MRPL21: variants seen among roughly 807,000 people sequenced by gnomAD.
MRPL21 encodes mitochondrial ribosomal protein L21.
In MRPL21, 20 loss-of-function variants were observed where a neutral mutation model predicts 27.3. That is an observed-to-expected ratio of 0.73 (90% CI 0.52 to 1.06). The LOEUF (loss-of-function observed/expected upper bound fraction) is 1.06, where lower values mean the gene tolerates loss of function less well. MRPL21 is among the 50% of genes least tolerant of loss of function. MRPL21 has a pLI of 0.00. For missense variants in MRPL21, 249 were observed against 251.4 expected (o/e 0.99, Z 0.06); for synonymous variants, 98 against 101.5 (o/e 0.97, Z 0.21).
chr11:68,900,318 G>A (rs1183822886), intron 2 of MRPL21, among the ~76,000 whole-genome samples: 5 of 152,224 alleles, frequency 3.3e-5, no homozygotes, highest in Non-Finnish European at 7.3e-5. Flanking sequence ...AAAGCTGAAA[G>A]TGGTGGTGCA....
At chr11:68,892,843 C>T (rs1214916657) in intron 6 of MRPL21, 47 bp downstream of exon 6, 1 of 1,591,212 alleles carries the variant, frequency 6.3e-7, no homozygotes, top group Non-Finnish European at 8.6e-7. Context: ...TGCGCCTGGG[C>T]AACCAGCACC....
chr11:68,902,271 G>A (rs1265403198), intron 1 of MRPL21, among the ~76,000 whole-genome samples: 3 of 152,146 alleles, frequency 2.0e-5, no homozygotes, highest in African/African-American at 7.2e-5. Flanking sequence ...CATGTAGGTA[G>A]GTAGAATGGA....
Position 68,900,477 on chromosome 11 carries a change from G to A in MRPL21, c.146+71C>T, listed in dbSNP as rs150238277. 1.7e-5 allele frequency: 23 copies of A among 1,375,532 alleles called. No homozygotes were observed. In the African/African-American group the frequency reaches 2.5e-4, roughly 15 times the overall value. 85.2% of individuals were successfully genotyped at this position (1,375,532 alleles called of 1,614,324 possible). Reference sequence around the variant, plus strand: ...ATTATTGAGAACCAAAAGGTAGGAAGTTTTGACTTTAGAAAGATGGTTCTA... The same window carrying A: ...ATTATTGAGAACCAAAAGGTAGGAAATTTTGACTTTAGAAAGATGGTTCTA... On this transcript the variant is annotated intron_variant, in intron 2 of 6. Transcript: ENST00000362034.
At chr11:68,900,924 AT>A (rs1313149164) in intron 1 of MRPL21, among the ~76,000 whole-genome samples, 3 of 152,224 alleles carry the variant, frequency 2.0e-5, no homozygotes, top group Non-Finnish European at 4.4e-5. Flanking sequence ...AGCCTCCAAG[AT>A]GGCCCTGCTG....
intron 4 of MRPL21, 21 bp from the exon 5 acceptor site, chr11:68,893,476 G>A: frequency 3.1e-6 from 5 of 1,614,190 alleles, no homozygotes; most frequent in Non-Finnish European, 4.2e-6. Context: ...CAACAGGTGT[G>A]TTTCATCAGT....
chr11:68,894,529 G>A (rs1017007132), intron 4 of MRPL21, among the ~76,000 whole-genome samples: 1 of 152,104 alleles, frequency 6.6e-6, no homozygotes, highest in African/African-American at 2.4e-5. Context: ...TGATCTGCCC[G>A]CCTCGGCTTC....
chr11:68,894,341 C>T (rs546325250), intron 4 of MRPL21, among the ~76,000 whole-genome samples: 2 of 152,270 alleles, frequency 1.3e-5, no homozygotes, highest in South Asian at 4.2e-4. Context: ...AGTGCAGTGG[C>T]GTGATCTTGG....
rs777206792 is a variant in MRPL21 at position 68,897,943 on chromosome 11, C to A, written c.216G>T (p.Glu72Asp). 1.2e-6 allele frequency: 2 copies of A among 1,614,024 alleles called. No homozygotes were observed. Among genetic ancestry groups the A allele is most frequent in the East Asian group, 4.5e-5 (2 of 44,882 alleles). Residue 72 changes from glutamate to aspartate, a missense_variant, in exon 3 of 7, where the codon GAG becomes GAT. Transcript: ENST00000362034. ...AGGTCTTACCTGCATGGTGTCTGGT[C>A]TCCTCAACTGGGTCTGGCAGAACAA... is the stretch of plus-strand genomic sequence containing the variant. ...PEVVLPDPVEETRHHAEVVKK... is the reference protein window; with the variant it reads ...PEVVLPDPVEDTRHHAEVVKK...
chr11:68,895,972 C>G (rs1857776545), intron 4 of MRPL21, among the ~76,000 whole-genome samples: 1 of 152,162 alleles, frequency 6.6e-6, no homozygotes, highest in South Asian at 2.1e-4. Context: ...GCCACCATGC[C>G]TGGCCTAGAC....
At position 68,896,542 on chromosome 11, in the gene MRPL21, C is replaced by T. The variant is rs775164150; in HGVS notation, c.369G>A (p.Ala123=). Reference sequence around the variant, plus strand: ...TCTCCAGTCGAATTCTCTCTCCACACGCAAGGTCTAGTTCATTTCCAATTA... The same window carrying T: ...TCTCCAGTCGAATTCTCTCTCCACATGCAAGGTCTAGTTCATTTCCAATTA... ...LILIGNELDL[A]CGERIRLEKV... is the part of the protein sequence containing the mutation. Residue 123 remains alanine (A), a synonymous_variant, in exon 4 of 7, where the codon GCG becomes GCA. Transcript: ENST00000362034. 25 of 1,614,138 alleles carry T rather than the reference C, an allele frequency of 1.5e-5. No individual in the cohort carries two copies. The highest frequency in any genetic ancestry group is 3.3e-4 in the Middle Eastern group (2 of 6,084).
rs374352636 is a variant in MRPL21, at chr11:68,891,294, G to A, written c.*37C>T. 492 of 1,601,308 alleles carry A rather than the reference G, an allele frequency of 3.1e-4. 1 individual carries two copies. The South Asian group carries it at 5.1e-3, about 17-fold the overall frequency. ...AACCTGGTCTCCTTGGGAAGCAGGA[G>A]TTTATTTTTATCCTTTTGTAAGTAT... On this transcript the variant is annotated 3_prime_UTR_variant, in exon 7 of 7. Coordinates refer to ENST00000362034, the MANE Select transcript of MRPL21 (RefSeq NM_181514.2).
chr11:68,894,699 C>T (rs602364), intron 4 of MRPL21, among the ~76,000 whole-genome samples: 39,964 of 152,106 alleles, frequency 0.26, 5,751 homozygotes, highest in South Asian at 0.48. Flanking sequence ...ACTCAGCGGA[C>T]ACGCATGTTA....
chr11:68,899,211 T>C (rs1026037881), intron 2 of MRPL21, among the ~76,000 whole-genome samples: 1 of 152,164 alleles, frequency 6.6e-6, no homozygotes, highest in Non-Finnish European at 1.5e-5. Flanking sequence ...TTTCTTTCTG[T>C]AGTCTACAAA....
chr11:68,893,493 T>A (rs562839098), intron 4 of MRPL21, 38 bp from the exon 5 acceptor site: 1 of 1,613,838 alleles, frequency 6.2e-7, no homozygotes, highest in Non-Finnish European at 8.5e-7. Flanking sequence ...CAGTGGCTCA[T>A]TACGATGAGT....
At chr11:68,900,699 A>T in intron 1 of MRPL21, 94 bp from the exon 2 acceptor site, 12 of 1,109,950 alleles carry the variant, frequency 1.1e-5, no homozygotes, top group Non-Finnish European at 1.2e-5. Context: ...TGCTCCTGGT[A>T]CATGGTATGA....
At chr11:68,892,869 G>A in intron 6 of MRPL21, 21 bp downstream of exon 6, 1 of 1,604,298 alleles carries the variant, frequency 6.2e-7, no homozygotes, top group South Asian at 1.1e-5. Flanking sequence ...ACAGGGCCCA[G>A]CGGTACTTTC....
Position 68,891,360 on chromosome 11 carries a change from T to C in MRPL21, c.589A>G (p.Ser197Gly). 6.2e-7 allele frequency: 1 copy of C among 1,614,116 alleles called. No homozygotes were observed. The highest frequency in any genetic ancestry group is 8.5e-7 in the Non-Finnish European group (1 of 1,180,022). Residue 197 changes from serine to glycine, a missense_variant, in exon 7 of 7, where the codon AGC becomes GGC. By Grantham distance (56) the Ser-to-Gly change is moderately conservative. Coordinates refer to ENST00000362034, the MANE Select transcript of MRPL21 (RefSeq NM_181514.2). ...AACAAACACGGAGCAATCTCAATGC[T>C]GTTTATCCGGAGGACAGTCTGCGGG... ...TTPQTVLRIN[S>G]IEIAPCLL
chr11:68,896,337 G>C, intron 4 of MRPL21, 178 bp downstream of exon 4: 1 of 741,314 alleles, frequency 1.3e-6, no homozygotes, highest in Non-Finnish European at 2.2e-6. Context: ...AGCCTGCCCT[G>C]CCCTTGGACC....
In MRPL21 at chr11:68,898,028, C is replaced by A. The variant is rs758882739; in HGVS notation, c.147-16G>T. On this transcript the variant is annotated splice_polypyrimidine_tract_variant and intron_variant, in intron 2 of 6. Transcript: ENST00000362034. ...AGGAACATATCTGTAAAACACATTT[C>A]GTAGACAAATGTCACAAGCACCTGA... The A allele has an allele frequency of 6.2e-7, 1 of 1,602,360 alleles. No homozygotes were observed. Among genetic ancestry groups the A allele is most frequent in the East Asian group, 2.2e-5 (1 of 44,844 alleles).
Sources: gnomAD v4.1 joint callset for allele counts (sites outside exome capture counted in the v4.1 genomes callset) on GRCh38, gnomAD v4.1.1 for gene constraint, MANE v1.5 for transcripts, NCBI Gene and HGNC (gene_info 2026-07-23, HGNC 2026-07-21) for gene names.